Variants in SIM1 observed in about 807,000 individuals in gnomAD.
SIM1 encodes single-minded homolog 1.
SIM1 carries 18 observed loss-of-function variants against 78.2 expected under a neutral mutation model. The observed-to-expected ratio is 0.23, with a 90% CI of 0.16 to 0.34. SIM1 has a LOEUF of 0.34. Ranked by LOEUF, SIM1 falls within the 10% of genes least tolerant of loss-of-function variation. The pLI, the probability that SIM1 is intolerant of heterozygous loss-of-function variation, is 1.00. For synonymous variants in SIM1, 417 were observed against 385.2 expected, an observed-to-expected ratio of 1.08 and a Z score of -0.97; for missense variants, 939 against 975.1, an observed-to-expected ratio of 0.96 and a Z score of 0.49.
intron 2 of SIM1, among the ~76,000 whole-genome samples, chr6:100,458,660 G>A (rs1038742485): frequency 1.3e-5 from 2 of 152,196 alleles, no homozygotes; most frequent in Non-Finnish European, 2.9e-5. Flanking sequence ...GACAGAGGAT[G>A]GGACACACCG....
At chr6:100,396,706 C>G (rs1259958905) in intron 10 of SIM1, among the ~76,000 whole-genome samples, 1 of 152,190 alleles carries the variant, frequency 6.6e-6, no homozygotes, top group Non-Finnish European at 1.5e-5. Context: ...CATCAAAACT[C>G]TGAGCCACGT....
At chr6:100,423,827 C>G (rs1262819812) in intron 9 of SIM1, among the ~76,000 whole-genome samples, 1 of 152,212 alleles carries the variant, frequency 6.6e-6, no homozygotes, top group Non-Finnish European at 1.5e-5. Flanking sequence ...AGAGCCTCCA[C>G]TCTTGGGCAT....
chr6:100,462,741 C>T (rs1286767821), intron 2 of SIM1: 2 of 152,276 alleles, frequency 1.3e-5, no homozygotes, highest in African/African-American at 2.4e-5. Context: ...CTTGAAAACT[C>T]GGAATAAATT....
rs556525730 is a variant in SIM1, at chr6:100,424,895, T to C, written c.999-3937A>G. 1.8e-3 allele frequency among the ~76,000 whole-genome samples: 277 copies of C among 152,350 alleles called. 4 individuals carry two copies. Among genetic ancestry groups the C allele is most frequent in the African/African-American group, 6.4e-3 (265 of 41,588 alleles). On this transcript the variant is annotated intron_variant, in intron 9 of 11. Coordinates refer to ENST00000369208, the MANE Select transcript of SIM1 (RefSeq NM_005068.3). ...CTTTCCCCAGAACAATAGTTTCACT[T>C]TGGTAGTGATTACAACACATTTCAT...
chr6:100,406,839 GT>G (rs1190411170), intron 10 of SIM1, among the ~76,000 whole-genome samples: 6 of 152,114 alleles, frequency 3.9e-5, no homozygotes. Flanking sequence ...TGCATGTGGT[GT>G]GAAAACTTAA....
intron 9 of SIM1, among the ~76,000 whole-genome samples, chr6:100,431,958 A>T (rs1771913651): frequency 6.6e-6 from 1 of 152,180 alleles, no homozygotes; most frequent in African/African-American, 2.4e-5. Context: ...AGCCTTGACA[A>T]CATAGCAAGA....
rs538469625 is a variant in SIM1 at position 100,455,723 on chromosome 6, C to T, written c.176-1879G>A. Among the ~76,000 whole-genome samples the T allele has an allele frequency of 4.6e-5, 7 of 152,258 alleles. No individual in the cohort carries two copies. In the East Asian group the frequency reaches 9.7e-4, roughly 21 times the overall value. ...CCGGGGCACTCGAGCGAGCCTGGAG[C>T]GGGCAAAGACTGCGTTGCGACTGGG... On this transcript the variant is annotated intron_variant, in intron 2 of 11. Coordinates refer to ENST00000369208, the MANE Select transcript of SIM1 (RefSeq NM_005068.3).
intron 10 of SIM1, among the ~76,000 whole-genome samples, chr6:100,417,220 C>G (rs545017891): frequency 6.6e-6 from 1 of 152,294 alleles, no homozygotes; most frequent in South Asian, 2.1e-4. Flanking sequence ...GACGCTAGGT[C>G]TTTCACAACA....
At chr6:100,439,523 G>T (rs148413539) in intron 9 of SIM1, among the ~76,000 whole-genome samples, 11 of 152,172 alleles carry the variant, frequency 7.2e-5, no homozygotes, top group African/African-American at 2.6e-4. Context: ...TAAATGCTAA[G>T]ATTCCTACTT....
Position 100,419,991 on chromosome 6 carries a change from T to C in SIM1, c.1167+799A>G, listed in dbSNP as rs544035054. Reference sequence around the variant, plus strand: ...GGAAGCATTTGCTGAGCTACTCTAGTGAACTGCAGGAGGTATGAGATGATG... The same window carrying C: ...GGAAGCATTTGCTGAGCTACTCTAGCGAACTGCAGGAGGTATGAGATGATG... On this transcript the variant is annotated intron_variant, in intron 10 of 11. Coordinates refer to ENST00000369208, the MANE Select transcript of SIM1 (RefSeq NM_005068.3). 4.3e-4 allele frequency among the ~76,000 whole-genome samples: 65 copies of C among 152,178 alleles called. No homozygotes were observed. In the Middle Eastern group the frequency reaches 0.02, roughly 48 times the overall value.
At chr6:100,441,074 A>G (rs931773559) in intron 9 of SIM1, among the ~76,000 whole-genome samples, 1 of 152,050 alleles carries the variant, frequency 6.6e-6, no homozygotes, top group African/African-American at 2.4e-5. Flanking sequence ...TTTTTTCCCA[A>G]CAGCCAGACT....
intron 5 of SIM1, 49 bp from the exon 6 acceptor site, chr6:100,449,497 G>T: frequency 6.3e-7 from 1 of 1,585,054 alleles, no homozygotes; most frequent in East Asian, 2.2e-5. Flanking sequence ...CACCGGCGGC[G>T]TGGGACAGCA....
rs1220783051 is a variant in SIM1, at chr6:100,412,665, G to A, written c.1167+8125C>T. Among the ~76,000 whole-genome samples, 68 of 122,148 alleles carry A rather than the reference G, an allele frequency of 5.6e-4. 3 individuals are homozygous for A. The highest frequency in any genetic ancestry group is 1.5e-3 in the African/African-American group (48 of 31,320). 80.1% of individuals were successfully genotyped at this position (122,148 alleles called of 152,430 possible). On this transcript the variant is annotated intron_variant, in intron 10 of 11. Transcript: ENST00000369208. ...AGAAAGAAAGAAAGAAAGAGAGAGA[G>A]AGAGAGAGAAAGAAAGAAAAAGAAA... is the stretch of plus-strand genomic sequence containing the variant.
chr6:100,429,348 G>A (rs1250494828), intron 9 of SIM1, among the ~76,000 whole-genome samples: 1 of 141,378 alleles, frequency 7.1e-6, no homozygotes, highest in Non-Finnish European at 1.5e-5. Flanking sequence ...CAGCTGGGAG[G>A]ACAGAGTGAG....
At chr6:100,416,215 T>C (rs993967766) in intron 10 of SIM1, among the ~76,000 whole-genome samples, 2 of 152,212 alleles carry the variant, frequency 1.3e-5, no homozygotes, top group Non-Finnish European at 2.9e-5. Flanking sequence ...CCTTGTTGAC[T>C]GGAGAGCCAC....
At position 100,387,091 on chromosome 6, in the gene SIM1, G is replaced by T. The variant is rs1045326050; in HGVS notation, c.*3270C>A. On this transcript the variant is annotated 3_prime_UTR_variant, in exon 12 of 12. Transcript: ENST00000369208. Reference sequence around the variant, plus strand: ...TATGGCAGGTGAAATGGGCAATAAAGATACTTATTATCACTAGAAACCAGA... The same window carrying T: ...TATGGCAGGTGAAATGGGCAATAAATATACTTATTATCACTAGAAACCAGA... 2.0e-5 allele frequency: 3 copies of T among 151,992 alleles called. No homozygotes were observed. The highest frequency in any genetic ancestry group is 7.2e-5 in the African/African-American group (3 of 41,424). 9.4% of individuals were successfully genotyped at this position (151,992 alleles called of 1,614,324 possible).
intron 2 of SIM1, among the ~76,000 whole-genome samples, chr6:100,461,135 G>A (rs1772829673): frequency 6.6e-6 from 1 of 152,146 alleles, no homozygotes; most frequent in South Asian, 2.1e-4. Context: ...TAGCCAGAGG[G>A]GACCGTTCTG....
chr6:100,458,653 A>G (rs1176162235), intron 2 of SIM1, among the ~76,000 whole-genome samples: 1 of 152,210 alleles, frequency 6.6e-6, no homozygotes, highest in Non-Finnish European at 1.5e-5. Context: ...CACCGCGGAC[A>G]GAGGATGGGA....
At chr6:100,451,039 T>A (rs1772501924) in intron 3 of SIM1, among the ~76,000 whole-genome samples, 2 of 152,356 alleles carry the variant, frequency 1.3e-5, no homozygotes, top group South Asian at 4.1e-4. Flanking sequence ...AGACTTTCAC[T>A]GTCTCTATCT....
Sources: gnomAD v4.1 joint callset for allele counts (sites outside exome capture counted in the v4.1 genomes callset) on GRCh38, gnomAD v4.1.1 for gene constraint, MANE v1.5 for transcripts, NCBI Gene and HGNC (gene_info 2026-07-23, HGNC 2026-07-21) for gene names.